Variants in RAD51B observed in about 807,000 individuals in gnomAD.
RAD51B encodes the protein DNA repair protein RAD51 homolog 2.
In RAD51B, 38 loss-of-function variants were observed where a neutral mutation model predicts 42.2. The observed-to-expected ratio is 0.90, with a 90% confidence interval of 0.70 to 1.18. The LOEUF is 1.18. Ranked by LOEUF, RAD51B falls within the 50% of genes most tolerant of loss-of-function variation. The probability of loss-of-function intolerance (pLI) is 0.00; values close to 1 mark genes in which losing one functional copy is unlikely to be tolerated. For missense variants in RAD51B, 373 were observed against 400.7 expected, an observed-to-expected ratio of 0.93 and a Z score of 0.59; for synonymous variants, 154 against 145.2, an observed-to-expected ratio of 1.06 and a Z score of -0.43.
At chr14:68,089,773 C>T (rs1245660360) in intron 7 of RAD51B, among the ~76,000 whole-genome samples, 1 of 152,016 alleles carries the variant, frequency 6.6e-6, no homozygotes, top group Non-Finnish European at 1.5e-5. Flanking sequence ...GGCAAAAGAC[C>T]TTTTGTATTT....
At chr14:68,107,031 C>T (rs1228496538) in intron 7 of RAD51B, among the ~76,000 whole-genome samples, 2 of 151,740 alleles carry the variant, frequency 1.3e-5, no homozygotes, top group African/African-American at 4.8e-5. Context: ...TATTTAATTC[C>T]AGTCTGTACT....
rs1204759326 is a variant in RAD51B, at chr14:68,244,085, CT to C, written c.757-47798del. On this transcript the variant is annotated intron_variant, in intron 7 of 10. Transcript: ENST00000471583. ...ACAAACAAAAACAACCACTGATATG[CT>C]GGTGGGCTCTATGCTGTCATCTAAA... is the stretch of plus-strand genomic sequence containing the variant. Among the ~76,000 whole-genome samples the C allele has an allele frequency of 1.7e-4, 26 of 152,220 alleles. No homozygotes were observed. In the East Asian group the frequency reaches 4.8e-3, roughly 28 times the overall value.
chr14:68,130,021 T>C (rs180984761), intron 7 of RAD51B: 19 of 152,370 alleles, frequency 1.2e-4, no homozygotes, highest in African/African-American at 3.8e-4. Context: ...GAGTTTTCTA[T>C]TCAGGCTGAA....
At chr14:67,892,304 T>C (rs548494572) in intron 7 of RAD51B, among the ~76,000 whole-genome samples, 56 of 152,360 alleles carry the variant, frequency 3.7e-4, no homozygotes, top group African/African-American at 1.3e-3. Flanking sequence ...CTTTCTTTTA[T>C]GTAGCTCTTT....
chr14:68,459,615 C>A (rs375232300), intron 9 of RAD51B, among the ~76,000 whole-genome samples: 2 of 152,166 alleles, frequency 1.3e-5, no homozygotes, highest in African/African-American at 4.8e-5. Context: ...TCAACGACCA[C>A]GTAATCTTGC....
intron 8 of RAD51B, among the ~76,000 whole-genome samples, chr14:68,361,476 CACTTA>C (rs900411002): frequency 4.6e-5 from 7 of 152,170 alleles, no homozygotes; most frequent in African/African-American, 1.7e-4. Flanking sequence ...TACACTTGGC[CACTTA>C]ACTTTGCTCC....
chr14:67,946,455 G>A (rs369604147), intron 7 of RAD51B, among the ~76,000 whole-genome samples: 15 of 151,978 alleles, frequency 9.9e-5, no homozygotes, highest in East Asian at 9.7e-4. Context: ...TGCAACCTCC[G>A]CCTCCCCAGT....
At chr14:68,004,295 T>C (rs1269329264) in intron 7 of RAD51B, among the ~76,000 whole-genome samples, 1 of 136,278 alleles carries the variant, frequency 7.3e-6, no homozygotes, top group Non-Finnish European at 1.5e-5. Context: ...ATCGCGCCAC[T>C]GCACTCCAGC....
At chr14:68,357,195 T>G (rs1479579594) in intron 8 of RAD51B, among the ~76,000 whole-genome samples, 1 of 152,182 alleles carries the variant, frequency 6.6e-6, no homozygotes, top group Non-Finnish European at 1.5e-5. Flanking sequence ...ATTTCAACAT[T>G]GTTCATAGCA....
At chr14:68,581,612 C>T (rs1890212044) in intron 10 of RAD51B, among the ~76,000 whole-genome samples, 1 of 152,174 alleles carries the variant, frequency 6.6e-6, no homozygotes, top group East Asian at 1.9e-4. Context: ...ATGCTATCCC[C>T]ATCCAGCTAC....
intron 7 of RAD51B, among the ~76,000 whole-genome samples, chr14:68,127,296 C>G (rs2077782308): frequency 6.6e-6 from 1 of 152,130 alleles, no homozygotes; most frequent in Non-Finnish European, 1.5e-5. Context: ...TCTGTTCACT[C>G]CCTGTGCTCT....
chr14:68,389,475 A>G (rs1483177553), intron 8 of RAD51B, among the ~76,000 whole-genome samples: 1 of 152,228 alleles, frequency 6.6e-6, no homozygotes, highest in African/African-American at 2.4e-5. Context: ...AAATATAGAT[A>G]GCTCCCAAGA....
At position 68,620,123 on chromosome 14, in the gene RAD51B, C is replaced by T. The variant is rs142069480; in HGVS notation, c.1037-30658C>T. ...TCTCTGGGAATCAGACCTCCTTACC[C>T]TTCCTCTTGCATAGGCTTAAACATG... On this transcript the variant is annotated intron_variant, in intron 10 of 11. Transcript: ENST00000488612. Among the ~76,000 whole-genome samples the T allele has an allele frequency of 8.7e-4, 133 of 152,324 alleles. 1 individual carries two copies. Among genetic ancestry groups the T allele is most frequent in the African/African-American group, 3.0e-3 (123 of 41,572 alleles).
At chr14:68,404,711 C>A (rs770778786) in intron 8 of RAD51B, among the ~76,000 whole-genome samples, 1 of 152,148 alleles carries the variant, frequency 6.6e-6, no homozygotes, top group Admixed American at 6.6e-5. Context: ...ACCTGACTTG[C>A]GTGAATCCAG....
chr14:68,204,458 A>G (rs988161145), intron 7 of RAD51B, among the ~76,000 whole-genome samples: 2 of 152,252 alleles, frequency 1.3e-5, no homozygotes, highest in African/African-American at 4.8e-5. Context: ...GGTCACCATA[A>G]TAACATAATC....
chr14:68,091,980 G>C (rs918445328), intron 7 of RAD51B, among the ~76,000 whole-genome samples: 10 of 152,054 alleles, frequency 6.6e-5, no homozygotes, highest in African/African-American at 1.9e-4. Flanking sequence ...GCTTGTTTTT[G>C]TCAGGTTTGT....
intron 7 of RAD51B, chr14:68,149,871 A>G (rs1489628516): frequency 6.6e-6 from 1 of 152,218 alleles, no homozygotes; most frequent in Non-Finnish European, 1.5e-5. Flanking sequence ...TTAGCCTCCC[A>G]ATAGCTGGGA....
At chr14:68,540,116 C>T (rs1453502554) in intron 10 of RAD51B, 1 of 912,548 alleles carries the variant, frequency 1.1e-6, no homozygotes, top group Non-Finnish European at 1.3e-6. Flanking sequence ...GCTGCCCATG[C>T]TCAGCCCCTT....
chr14:67,824,156 C>T (rs1357292021), intron 2 of RAD51B, among the ~76,000 whole-genome samples: 1 of 152,214 alleles, frequency 6.6e-6, no homozygotes, highest in African/African-American at 2.4e-5. Flanking sequence ...GAACTCCTGG[C>T]CTTAAGCAAT....
Sources: gnomAD v4.1 joint callset for allele counts (sites outside exome capture counted in the v4.1 genomes callset) on GRCh38, gnomAD v4.1.1 for gene constraint, MANE v1.5 for transcripts, NCBI Gene and HGNC (gene_info 2026-07-23, HGNC 2026-07-21) for gene names.